The following REDIC1 variants were observed in gnomAD, a reference collection of about 807,000 sequenced individuals.
REDIC1 encodes HEI10 Interacting Protein 1.
the REDIC1 span, among the ~76,000 whole-genome samples, chr12:39,701,506 C>A: frequency 6.6e-6 from 1 of 152,104 alleles, no homozygotes; most frequent in Non-Finnish European, 1.5e-5. Flanking sequence ...TTTAACACCC[C>A]ACTGTCAACA....
At chr12:39,745,353 G>A in the REDIC1 span, among the ~76,000 whole-genome samples, 1 of 152,246 alleles carries the variant, frequency 6.6e-6, no homozygotes, top group South Asian at 2.1e-4. Context: ...AAACAATAAA[G>A]GGTACTGGTT....
chr12:39,838,046 AT>A, the REDIC1 span, among the ~76,000 whole-genome samples: 1 of 150,708 alleles, frequency 6.6e-6, no homozygotes, highest in Non-Finnish European at 1.5e-5. Flanking sequence ...GCACACATAT[AT>A]TTATTGTGGC....
At chr12:39,645,023 G>T in the REDIC1 span, among the ~76,000 whole-genome samples, 1 of 151,898 alleles carries the variant, frequency 6.6e-6, no homozygotes, top group Non-Finnish European at 1.5e-5. Context: ...TAAACTAAGG[G>T]GATCTTAGCA....
the REDIC1 span, among the ~76,000 whole-genome samples, chr12:39,750,923 A>G: frequency 4.7e-4 from 72 of 152,326 alleles, no homozygotes; most frequent in African/African-American, 1.5e-3. Context: ...AAGATGGATT[A>G]AAGACTTACA....
the REDIC1 span, among the ~76,000 whole-genome samples, chr12:39,848,678 T>G: frequency 6.6e-6 from 1 of 152,068 alleles, no homozygotes; most frequent in Non-Finnish European, 1.5e-5. Context: ...TAGGTATATA[T>G]GCAGAGGAAT....
At chr12:39,712,796 T>C in the REDIC1 span, among the ~76,000 whole-genome samples, 19 of 98,542 alleles carry the variant, frequency 1.9e-4, no homozygotes, top group Admixed American at 3.4e-4. Flanking sequence ...CGTATATGTA[T>C]ATATGTGTAT....
the REDIC1 span, among the ~76,000 whole-genome samples, chr12:39,653,999 A>G: frequency 8.0e-5 from 12 of 150,572 alleles, no homozygotes; most frequent in Non-Finnish European, 1.5e-4. Flanking sequence ...CTGTTTCTAG[A>G]GCATTGAGAG....
At chr12:39,642,639 T>G in the REDIC1 span, among the ~76,000 whole-genome samples, 1 of 151,726 alleles carries the variant, frequency 6.6e-6, no homozygotes, top group Non-Finnish European at 1.5e-5. Context: ...GATCTAGCAT[T>G]GACTGAGTTG....
At chr12:39,698,792 T>C in the REDIC1 span, among the ~76,000 whole-genome samples, 1 of 152,096 alleles carries the variant, frequency 6.6e-6, no homozygotes, top group Non-Finnish European at 1.5e-5. Flanking sequence ...TTGAAACAAA[T>C]GATAATTGAA....
the REDIC1 span, among the ~76,000 whole-genome samples, chr12:39,845,363 A>C: frequency 6.6e-6 from 1 of 152,124 alleles, no homozygotes; most frequent in African/African-American, 2.4e-5. Flanking sequence ...CTTGGTAACC[A>C]AATCTGTTTT....
the REDIC1 span, among the ~76,000 whole-genome samples, chr12:39,677,183 A>T: frequency 6.6e-6 from 1 of 151,988 alleles, no homozygotes; most frequent in African/African-American, 2.4e-5. Flanking sequence ...CCAAGTATCC[A>T]TTGTCTTCAA....
At chr12:39,783,680 G>A in the REDIC1 span, among the ~76,000 whole-genome samples, 1 of 152,138 alleles carries the variant, frequency 6.6e-6, no homozygotes, top group South Asian at 2.1e-4. Context: ...TTTGAGAAGT[G>A]TCTGTTCATA....
At chr12:39,759,956 G>T in the REDIC1 span, 1 of 1,164,266 alleles carries the variant, frequency 8.6e-7, no homozygotes, top group Non-Finnish European at 1.3e-6. Context: ...AAGCAGGGCA[G>T]TGAAGTCACC....
At chr12:39,643,843 A>G in the REDIC1 span, 1 of 1,572,064 alleles carries the variant, frequency 6.4e-7, no homozygotes, top group South Asian at 1.1e-5. Context: ...TCTCCTGTCA[A>G]AAATTCTGCT....
chr12:39,790,556 T>C, the REDIC1 span, among the ~76,000 whole-genome samples: 7 of 149,220 alleles, frequency 4.7e-5, no homozygotes, highest in African/African-American at 1.7e-4. Context: ...AACTCATCCT[T>C]TTTTATGGCT....
the REDIC1 span, among the ~76,000 whole-genome samples, chr12:39,790,493 G>T: frequency 6.6e-5 from 10 of 150,556 alleles, no homozygotes; most frequent in South Asian, 2.1e-4. Context: ...TCTTGTGATA[G>T]TTTGCTGAGA....
At chr12:39,714,466 AT>A in the REDIC1 span, among the ~76,000 whole-genome samples, 13 of 151,368 alleles carry the variant, frequency 8.6e-5, no homozygotes, top group Non-Finnish European at 1.3e-4. Flanking sequence ...ATTGATGGGC[AT>A]TTGGGTTTGT....
chr12:39,648,118 C>A, the REDIC1 span: 3 of 554,426 alleles, frequency 5.4e-6, no homozygotes, highest in Non-Finnish European at 8.4e-6. Context: ...AAGGTTCATT[C>A]CCTTTACATC....
the REDIC1 span, among the ~76,000 whole-genome samples, chr12:39,657,144 C>T: frequency 7.2e-5 from 11 of 152,184 alleles, no homozygotes; most frequent in African/African-American, 1.4e-4. Context: ...ATTCATGCTA[C>T]GTGTCCTTTG....
Sources: gnomAD v4.1 joint callset for allele counts (sites outside exome capture counted in the v4.1 genomes callset) on GRCh38, gnomAD v4.1.1 for gene constraint, MANE v1.5 for transcripts, NCBI Gene and HGNC (gene_info 2026-07-23, HGNC 2026-07-21) for gene names.